The following GTF3C4 variants were observed in gnomAD, a reference collection of about 807,000 sequenced individuals.
GTF3C4 encodes general transcription factor IIIC subunit 4.
In GTF3C4, 28 loss-of-function variants were observed where a neutral mutation model predicts 67.5. That is an observed-to-expected ratio of 0.41 (90% CI 0.31 to 0.57). GTF3C4 has a LOEUF of 0.57. GTF3C4 is among the 20% of genes least tolerant of loss of function. The pLI is 0.21. For missense variants in GTF3C4, 831 were observed against 1,033.2 expected (o/e 0.80, Z 2.68); for synonymous variants, 409 against 393.0 (o/e 1.04, Z -0.48).
chr9:132,680,699 GAA>G (rs1179469045), intron 2 of GTF3C4, among the ~76,000 whole-genome samples: 1 of 152,230 alleles, frequency 6.6e-6, no homozygotes, highest in East Asian at 1.9e-4. Context: ...TTGTTGGAAA[GAA>G]TGTGTATGTT....
intron 3 of GTF3C4, among the ~76,000 whole-genome samples, chr9:132,686,025 T>C (rs1836022217): frequency 6.6e-6 from 1 of 152,240 alleles, no homozygotes; most frequent in Non-Finnish European, 1.5e-5. Flanking sequence ...CAAAGATTAT[T>C]CATTGAGCCT....
chr9:132,689,050 TGGAGA>T lies in GTF3C4; in HGVS notation c.*107_*111del, dbSNP rs1171062462. 252 of 805,144 alleles carry T rather than the reference TGGAGA, an allele frequency of 3.1e-4. 4 individuals carry two copies. In the East Asian group the frequency reaches 6.2e-3, roughly 20 times the overall value. 49.9% of individuals were successfully genotyped at this position (805,144 alleles called of 1,614,324 possible). ...CTGGAGGAAGCCGGACCCTCACGAGTGGAGAGAAGTCCTTGGTGATTGTAAAGAGG... is the reference window on the plus strand; with the variant it reads ...CTGGAGGAAGCCGGACCCTCACGAGTGAAGTCCTTGGTGATTGTAAAGAGG... On this transcript the variant is annotated 3_prime_UTR_variant, in exon 5 of 5. Coordinates refer to ENST00000372146, the MANE Select transcript of GTF3C4 (RefSeq NM_012204.4).
intron 1 of GTF3C4, among the ~76,000 whole-genome samples, chr9:132,673,741 G>A (rs1408004843): frequency 6.6e-6 from 1 of 152,178 alleles, no homozygotes; most frequent in Non-Finnish European, 1.5e-5. Context: ...TGAAGCTTTT[G>A]CTCTATAATT....
intron 3 of GTF3C4, 36 bp from the exon 4 acceptor site, chr9:132,687,203 C>A (rs1451206358): frequency 1.7e-6 from 2 of 1,154,240 alleles, no homozygotes; most frequent in Admixed American, 1.7e-5. Flanking sequence ...GTAGAGCAAA[C>A]CCTCTCCCTT....
rs528833600 is a variant in GTF3C4 at position 132,676,739 on chromosome 9, G to A, written c.358-1238G>A. Among the ~76,000 whole-genome samples, 152 of 152,262 alleles carry A rather than the reference G, an allele frequency of 1.0e-3. 1 individual carries two copies. Among genetic ancestry groups the A allele is most frequent in the African/African-American group, 3.2e-3 (134 of 41,550 alleles). On this transcript the variant is annotated intron_variant, in intron 1 of 4. Coordinates refer to ENST00000372146, the MANE Select transcript of GTF3C4 (RefSeq NM_012204.4). Reference sequence around the variant, plus strand: ...AGTTAATGTCTTCCAAGTGCTTTCTGTGTCCTGGAGGGTAATTCCTCTAGG... The same window carrying A: ...AGTTAATGTCTTCCAAGTGCTTTCTATGTCCTGGAGGGTAATTCCTCTAGG...
At chr9:132,672,575 A>G (rs1299096097) in intron 1 of GTF3C4, among the ~76,000 whole-genome samples, 5 of 152,218 alleles carry the variant, frequency 3.3e-5, no homozygotes, top group Non-Finnish European at 7.3e-5. Context: ...AGTCCGAGAA[A>G]GTAAGATGAG....
Position 132,690,112 on chromosome 9 carries a change from C to G in GTF3C4, c.*1167C>G, listed in dbSNP as rs1272351003. ...CAGGCAGATCACAAGGTCAGGAGTT[C>G]AGCCTAACCAACATGGTGAAACCGT... On this transcript the variant is annotated 3_prime_UTR_variant, in exon 5 of 5. Coordinates refer to ENST00000372146, the MANE Select transcript of GTF3C4 (RefSeq NM_012204.4). The G allele has an allele frequency of 1.3e-5, 2 of 152,340 alleles. No individual in the cohort carries two copies. Among genetic ancestry groups the G allele is most frequent in the East Asian group, 3.8e-4 (2 of 5,196 alleles). 9.4% of individuals were successfully genotyped at this position (152,340 alleles called of 1,614,324 possible).
rs540918126 is a variant in GTF3C4 at position 132,678,292 on chromosome 9, A to C, written c.673A>C (p.Lys225Gln). The change falls in exon 2 of 5, where the codon AAA becomes CAA. Residue 225 changes from lysine (K) to glutamine (Q), a missense_variant. Around this residue, in one of 4 missense-constraint regions of GTF3C4, gnomAD observed 390 missense variants for 540.3 expected, o/e 0.72. Coordinates refer to ENST00000372146, the MANE Select transcript of GTF3C4 (RefSeq NM_012204.4). The surrounding 1 kb of genome is among the most constrained non-coding windows in gnomAD (Gnocchi z 6.5). ...TTATGAGACCAGTTACAGGCTCTCT[A>C]AAAATGAGGCCCCGGAAGGAAATCT... ...RLYETSYRLS[K>Q]NEAPEGNLGD... 23 of 1,614,198 alleles carry C rather than the reference A, an allele frequency of 1.4e-5. No homozygotes were observed. In the South Asian group the frequency reaches 2.1e-4, roughly 15 times the overall value.
At position 132,683,705 on chromosome 9, in the gene GTF3C4, T is replaced by C. The variant is rs1465505658; in HGVS notation, c.2315+12T>C. ...CACATTTGGCTCCGGTAAGCCATTT[T>C]AAAAGTTTCTACTTCTGCTCATTTT... On this transcript the variant is annotated intron_variant, in intron 3 of 4. Transcript: ENST00000372146. The C allele has an allele frequency of 6.2e-7, 1 of 1,601,278 alleles. No individual in the cohort carries two copies. The highest frequency in any genetic ancestry group is 2.2e-5 in the East Asian group (1 of 44,608).
chr9:132,679,222 AAGCAGGTAGATTTAAT>A lies in GTF3C4; in HGVS notation c.1606_1621del (p.Gln536ThrfsTer2). 1 of 1,614,104 alleles carries A rather than the reference AAGCAGGTAGATTTAAT, an allele frequency of 6.2e-7. No homozygotes were observed. The highest frequency in any genetic ancestry group is 8.5e-7 in the Non-Finnish European group (1 of 1,179,992). On this transcript the variant is annotated frameshift_variant, in exon 2 of 5. Transcript: ENST00000372146. LOFTEE classifies it high-confidence loss of function. This position sits in a 1 kb window ranked among gnomAD's most constrained non-coding sequence, Gnocchi z 5.9. ...GGAATCTTCAGTTCAAAACCTTTTT[AAGCAGGTAGATTTAAT>A]AGACCTAGTACGCTGGAAGATTTTA...
At position 132,679,504 on chromosome 9, in the gene GTF3C4, A is replaced by G. The variant is rs1405555555; in HGVS notation, c.1885A>G (p.Lys629Glu). 1.2e-6 allele frequency: 2 copies of G among 1,614,180 alleles called. No homozygotes were observed. Among genetic ancestry groups the G allele is most frequent in the Non-Finnish European group, 1.7e-6 (2 of 1,180,008 alleles). Residue 629 changes from lysine (K) to glutamate (E), a missense_variant, in exon 2 of 5, where the codon AAA becomes GAA. Coordinates refer to ENST00000372146, the MANE Select transcript of GTF3C4 (RefSeq NM_012204.4). This position sits in a 1 kb window ranked among gnomAD's most constrained non-coding sequence, Gnocchi z 5.9. The stretch of plus-strand genomic sequence containing the variant: ...ACAGCAGGAAGAAGGCACTTCTTCC[A>G]AACAGGTGGTGAAGCAAGGCCTGCA... ...DEQQEEGTSS[K>E]QVVKQGLQER...
Position 132,688,866 on chromosome 9 carries a change from GTCC to G in GTF3C4, c.2405-10_2405-8del, listed in dbSNP as rs767492349. ...CCGAAGCTAACAGTTGATACCACTT[GTCC>G]TCCTTTTGCAGATCCCGACTGGATT... On this transcript the variant is annotated splice_polypyrimidine_tract_variant and intron_variant, in intron 4 of 4. Transcript: ENST00000372146. The G allele has an allele frequency of 1.1e-5, 18 of 1,598,990 alleles. No homozygotes were observed. The highest frequency in any genetic ancestry group is 1.4e-5 in the Non-Finnish European group (16 of 1,166,280).
chr9:132,680,943 C>T (rs543318622), intron 2 of GTF3C4, among the ~76,000 whole-genome samples: 19 of 152,276 alleles, frequency 1.2e-4, no homozygotes, highest in Middle Eastern at 3.4e-3. Flanking sequence ...AACCCCGTCT[C>T]TACTAAAAAT....
intron 4 of GTF3C4, 99 bp from the exon 5 acceptor site, chr9:132,688,782 A>G (rs1836067408): frequency 1.2e-6 from 1 of 849,740 alleles, no homozygotes; most frequent in African/African-American, 1.7e-5. Flanking sequence ...CAGAGGTGGG[A>G]CCAGAATGCC....
chr9:132,676,060 G>A (rs541806744), intron 1 of GTF3C4, among the ~76,000 whole-genome samples: 5 of 151,540 alleles, frequency 3.3e-5, no homozygotes, highest in East Asian at 2.0e-4. Flanking sequence ...CACCATGCCC[G>A]GCTAATTTTT....
chr9:132,693,914 G>A lies in GTF3C4; in HGVS notation c.*4969G>A, dbSNP rs937866834. 1 of 152,136 alleles carries A rather than the reference G, an allele frequency of 6.6e-6. No individual in the cohort carries two copies. The highest frequency in any genetic ancestry group is 1.5e-5 in the Non-Finnish European group (1 of 68,020). The allele number at this position is 152,136 out of a possible 1,614,324, so 9.4% of individuals were successfully genotyped here. A position where few individuals can be genotyped will look rare whatever the true frequency, so the allele number is the denominator to read the frequency against. On this transcript the variant is annotated 3_prime_UTR_variant, in exon 5 of 5. Coordinates refer to ENST00000372146, the MANE Select transcript of GTF3C4 (RefSeq NM_012204.4). ...CTATATAGAAAAATAAGTCTGTGTTGTGTATAGTGATACATGTTTTATGTT... is the reference window on the plus strand; with the variant it reads ...CTATATAGAAAAATAAGTCTGTGTTATGTATAGTGATACATGTTTTATGTT...
chr9:132,687,192 A>AGTAG, intron 3 of GTF3C4, 47 bp from the exon 4 acceptor site: 1 of 988,590 alleles, frequency 1.0e-6, no homozygotes, highest in Non-Finnish European at 1.6e-6. Flanking sequence ...TCTGAGTGTT[A>AGTAG]GTAGAGCAAA....
chr9:132,688,826 T>TTTTGACTGTCGG, intron 4 of GTF3C4, 55 bp from the exon 5 acceptor site: 2 of 1,327,274 alleles, frequency 1.5e-6, no homozygotes, highest in Non-Finnish European at 2.2e-6. Flanking sequence ...TATTCATCCC[T>TTTTGACTGTCGG]TTTGACTGTC....
chr9:132,680,369 C>G (rs141884936), intron 2 of GTF3C4, among the ~76,000 whole-genome samples: 1 of 152,174 alleles, frequency 6.6e-6, no homozygotes, highest in Non-Finnish European at 1.5e-5. Context: ...TAACAGAGCA[C>G]TAGGGTTCCC....
Sources: gnomAD v4.1 joint callset for allele counts (sites outside exome capture counted in the v4.1 genomes callset) on GRCh38, gnomAD v4.1.1 for gene constraint, gnomAD v4.1.1 regional missense constraint, Gnocchi (gnomAD v3.1) non-coding constraint, MANE v1.5 for transcripts, NCBI Gene and HGNC (gene_info 2026-07-23, HGNC 2026-07-21) for gene names.